Variants in CYSTM1 observed in about 807,000 individuals in gnomAD.
CYSTM1 encodes cysteine rich transmembrane module containing 1, also known as cysteine-rich transmembrane module-containing protein 1.
A neutral mutation model predicts 13.1 loss-of-function variants in CYSTM1; 4 were observed. That is an observed-to-expected ratio of 0.31 (90% CI 0.15 to 0.70). The LOEUF (loss-of-function observed/expected upper bound fraction) is 0.70, where lower values mean the gene tolerates loss of function less well. Ranked by LOEUF, CYSTM1 falls within the 30% of genes least tolerant of loss-of-function variation. The pLI, the probability that CYSTM1 is intolerant of heterozygous loss-of-function variation, is 0.72. For missense variants in CYSTM1, 96 were observed against 121.6 expected, an observed-to-expected ratio of 0.79 and a Z score of 0.99; for synonymous variants, 36 against 42.7, an observed-to-expected ratio of 0.84 and a Z score of 0.62.
At chr5:140,180,174 A>G (rs1428619843) in intron 1 of CYSTM1, among the ~76,000 whole-genome samples, 1 of 152,166 alleles carries the variant, frequency 6.6e-6, no homozygotes, top group Non-Finnish European at 1.5e-5. Flanking sequence ...TGTTCAGTAA[A>G]TTGGATGAGG....
chr5:140,206,557 C>T (rs1764300169), intron 2 of CYSTM1, among the ~76,000 whole-genome samples: 1 of 152,158 alleles, frequency 6.6e-6, no homozygotes, highest in Non-Finnish European at 1.5e-5. Flanking sequence ...GAGTATTGAG[C>T]TGCTGCTTCC....
At chr5:140,188,421 G>C (rs950612026) in intron 1 of CYSTM1, among the ~76,000 whole-genome samples, 3 of 152,186 alleles carry the variant, frequency 2.0e-5, no homozygotes, top group Non-Finnish European at 4.4e-5. Context: ...ATGGCAGGCA[G>C]CATGGATATA....
chr5:140,178,698 T>C (rs189483222), intron 1 of CYSTM1, among the ~76,000 whole-genome samples: 2 of 152,150 alleles, frequency 1.3e-5, no homozygotes, highest in African/African-American at 4.8e-5. Flanking sequence ...CCTCCTGGGC[T>C]CAAGCCATCC....
chr5:140,193,249 A>G (rs1764113256), intron 1 of CYSTM1, among the ~76,000 whole-genome samples: 1 of 150,754 alleles, frequency 6.6e-6, no homozygotes, highest in South Asian at 2.1e-4. Flanking sequence ...CTTAGAGTTT[A>G]TACTTTGCAT....
At position 140,243,779 on chromosome 5, in the gene CYSTM1, C is replaced by T. The variant is rs183883251; in HGVS notation, c.*368C>T. On this transcript the variant is annotated 3_prime_UTR_variant, in exon 3 of 3. Transcript: ENST00000261811. The stretch of plus-strand genomic sequence containing the variant: ...CGCCTGTATGTTTCAATAAATTTGT[C>T]CAAAGCTCAACTGTCTGTCTAAATG... 5.6e-5 allele frequency: 11 copies of T among 196,206 alleles called. No individual in the cohort carries two copies. In the East Asian group the frequency reaches 1.8e-3, roughly 32 times the overall value. The allele number at this position is 196,206 out of a possible 1,614,324, so 12.2% of individuals were successfully genotyped here. A position where few individuals can be genotyped will look rare whatever the true frequency, so the allele number is the denominator to read the frequency against.
intron 2 of CYSTM1, among the ~76,000 whole-genome samples, chr5:140,238,490 G>A (rs149730772): frequency 4.1e-4 from 62 of 152,258 alleles, no homozygotes; most frequent in African/African-American, 1.5e-3. Context: ...CTCAGCACAC[G>A]GACCTGGTAC....
chr5:140,235,233 G>A (rs1764666511), intron 2 of CYSTM1, among the ~76,000 whole-genome samples: 1 of 151,930 alleles, frequency 6.6e-6, no homozygotes, highest in Non-Finnish European at 1.5e-5. Flanking sequence ...CTCCCAAAGT[G>A]CTGGGATTAC....
chr5:140,196,027 T>A (rs113721390), intron 2 of CYSTM1, among the ~76,000 whole-genome samples: 1 of 113,806 alleles, frequency 8.8e-6, no homozygotes, highest in African/African-American at 3.4e-5. Context: ...CTGGCGACAG[T>A]GAGACTCCAT....
At position 140,230,763 on chromosome 5, in the gene CYSTM1, T is replaced by C. The variant is rs1764609524; in HGVS notation, c.188-12542T>C. Among the ~76,000 whole-genome samples, 1 of 152,206 alleles carries C rather than the reference T, an allele frequency of 6.6e-6. No individual in the cohort carries two copies. The highest frequency in any genetic ancestry group is 6.5e-5 in the Admixed American group (1 of 15,280). ...CTGTTAGGGATTGGTGTCTTTAATC[T>C]TTGGGGCACAGTTTCAGTCCTTTCC... On this transcript the variant is annotated intron_variant, in intron 2 of 2. Transcript: ENST00000261811. This position sits in a 1 kb window ranked among gnomAD's most constrained non-coding sequence, Gnocchi z 4.1.
chr5:140,186,298 A>T (rs1293822011), intron 1 of CYSTM1, among the ~76,000 whole-genome samples: 4 of 152,250 alleles, frequency 2.6e-5, no homozygotes, highest in African/African-American at 9.6e-5. Context: ...GAAAAGGAAG[A>T]TGCAGCAAAC....
chr5:140,182,805 A>G (rs1424083680), intron 1 of CYSTM1, among the ~76,000 whole-genome samples: 1 of 152,084 alleles, frequency 6.6e-6, no homozygotes, highest in African/African-American at 2.4e-5. Flanking sequence ...AAAACAGAAG[A>G]AAGGGGGAGG....
chr5:140,239,725 CA>C lies in CYSTM1; in HGVS notation c.188-3577del, dbSNP rs1764724732. Among the ~76,000 whole-genome samples, 2 of 152,194 alleles carry C rather than the reference CA, an allele frequency of 1.3e-5. No individual in the cohort carries two copies. Among genetic ancestry groups the C allele is most frequent in the Non-Finnish European group, 2.9e-5 (2 of 68,030 alleles). ...CACACTTGTGTTTGCATCCATGTGG[CA>C]AAGCTCTGGGTGCCTGCCCCTCTGC... On this transcript the variant is annotated intron_variant, in intron 2 of 2. Transcript: ENST00000261811. This position sits in a 1 kb window ranked among gnomAD's most constrained non-coding sequence, Gnocchi z 5.4.
At chr5:140,200,479 T>C (rs1228262711) in intron 2 of CYSTM1, 1 of 151,628 alleles carries the variant, frequency 6.6e-6, no homozygotes, top group African/African-American at 2.4e-5. Context: ...CATTGGTCTA[T>C]ATACAGAACA....
intron 1 of CYSTM1, among the ~76,000 whole-genome samples, chr5:140,187,438 C>T (rs749774866): frequency 3.8e-4 from 58 of 152,214 alleles, no homozygotes; most frequent in Non-Finnish European, 7.8e-4. Flanking sequence ...GATCACGGCT[C>T]ACCTCAGCCT....
At chr5:140,218,069 C>G (rs954102622) in intron 2 of CYSTM1, among the ~76,000 whole-genome samples, 2 of 152,008 alleles carry the variant, frequency 1.3e-5, no homozygotes, top group African/African-American at 4.8e-5. Flanking sequence ...TGGTGATAGC[C>G]CGCTCCAGCT....
intron 2 of CYSTM1, among the ~76,000 whole-genome samples, chr5:140,241,939 T>C (rs985350267): frequency 2.6e-5 from 4 of 152,256 alleles, no homozygotes; most frequent in African/African-American, 9.6e-5. Context: ...GGGTTCGGAT[T>C]CTGCCCTTGC....
chr5:140,231,655 C>T (rs1477104261), intron 2 of CYSTM1, among the ~76,000 whole-genome samples: 2 of 152,180 alleles, frequency 1.3e-5, no homozygotes, highest in Non-Finnish European at 2.9e-5. Context: ...TTCCCCAAGG[C>T]AGTGAAGTGA....
chr5:140,215,638 C>G (rs1186978141), intron 2 of CYSTM1, among the ~76,000 whole-genome samples: 1 of 151,602 alleles, frequency 6.6e-6, no homozygotes, highest in Non-Finnish European at 1.5e-5. Flanking sequence ...TAACTGCTGC[C>G]CAGAGATAGC....
intron 2 of CYSTM1, among the ~76,000 whole-genome samples, chr5:140,207,726 T>A (rs1019533776): frequency 6.6e-6 from 1 of 152,220 alleles, no homozygotes; most frequent in African/African-American, 2.4e-5. Flanking sequence ...TCCTTCCACA[T>A]GGCTTTTGCA....
Sources: allele counts gnomAD v4.1 joint callset (sites outside exome capture counted in the v4.1 genomes callset), GRCh38; gene constraint gnomAD v4.1.1; non-coding constraint Gnocchi (gnomAD v3.1); transcripts MANE v1.5; gene names NCBI Gene and HGNC (gene_info 2026-07-23, HGNC 2026-07-21).